RNF213: variants seen among roughly 807,000 people sequenced by gnomAD.
RNF213 encodes the protein ring finger protein 213, also known as E3 ubiquitin-protein ligase RNF213.
In RNF213, 341 loss-of-function variants were observed where a neutral mutation model predicts 514.4. That is an observed-to-expected ratio of 0.66 (90% CI 0.61 to 0.73). RNF213 has a LOEUF of 0.73. Ranked by LOEUF, RNF213 falls within the 30% of genes least tolerant of loss-of-function variation. The probability of loss-of-function intolerance (pLI) is 0.00; values close to 1 mark genes in which losing one functional copy is unlikely to be tolerated. For synonymous variants in RNF213, 2,655 were observed against 2,658.2 expected (o/e 1.00, Z 0.04); for missense variants, 5,767 against 6,615.6 (o/e 0.87, Z 4.45).
Position 80,372,968 on chromosome 17 carries a change from C to T in RNF213, c.12752-7C>T. ...GCCACTCACCCGCTTTCTCGTTGGC[C>T]TCTCAGAGATGGCCAAGGAGAAGCA... On this transcript the variant is annotated splice_region_variant and splice_polypyrimidine_tract_variant and intron_variant, in intron 48 of 67. Coordinates refer to ENST00000582970, the MANE Select transcript of RNF213 (RefSeq NM_001256071.3). The T allele has an allele frequency of 6.2e-7, 1 of 1,613,148 alleles. No homozygotes were observed. Among genetic ancestry groups the T allele is most frequent in the South Asian group, 1.1e-5 (1 of 90,912 alleles).
In RNF213 at chr17:80,386,441, G is replaced by C. The variant is rs570561568; in HGVS notation, c.14720+11G>C. 1.9e-6 allele frequency: 3 copies of C among 1,613,724 alleles called. No individual in the cohort carries two copies. Among genetic ancestry groups the C allele is most frequent in the Non-Finnish European group, 2.5e-6 (3 of 1,179,922 alleles). On this transcript the variant is annotated intron_variant, in intron 62 of 67. Coordinates refer to ENST00000582970, the MANE Select transcript of RNF213 (RefSeq NM_001256071.3). ...CAAGGAAAACAACAGGTTTGTGCAC[G>C]AGCCACCAGGAAGTGGTGCCTGCTC...
At chr17:80,309,208 A>G in intron 14 of RNF213, 37 bp downstream of exon 14, 1 of 1,613,334 alleles carries the variant, frequency 6.2e-7, no homozygotes, top group Non-Finnish European at 8.5e-7. Flanking sequence ...CACACCCGGG[A>G]TAGGTGCGGA....
In RNF213 at chr17:80,376,980, A is replaced by G; in HGVS notation, c.13510+17A>G. The G allele has an allele frequency of 1.3e-6, 2 of 1,573,078 alleles. No individual in the cohort carries two copies. Among genetic ancestry groups the G allele is most frequent in the East Asian group, 2.2e-5 (1 of 44,698 alleles). On this transcript the variant is annotated intron_variant, in intron 53 of 67. Coordinates refer to ENST00000582970, the MANE Select transcript of RNF213 (RefSeq NM_001256071.3). Reference sequence around the variant, plus strand: ...ACTGGTACAGTAAGTGTTGGGGTCTAGATGACCCCACACTCCTTTGAGCTT... The same window carrying G: ...ACTGGTACAGTAAGTGTTGGGGTCTGGATGACCCCACACTCCTTTGAGCTT...
At chr17:80,306,212 C>G in intron 11 of RNF213, 40 bp from the exon 12 acceptor site, 1 of 1,582,638 alleles carries the variant, frequency 6.3e-7, no homozygotes, top group Non-Finnish European at 8.7e-7. Flanking sequence ...TCACTGATCT[C>G]ACTGCGTCTC....
Position 80,339,349 on chromosome 17 carries a change from C to T in RNF213, c.4982C>T (p.Thr1661Met), listed in dbSNP as rs144944826. ...ATGGACTTTGGCTTGGACCTGGTGA[C>T]GGAGCTTAAAGAAGGTGGAGATGTC... The part of the protein sequence containing the change: ...LQMDFGLDLV[T>M]ELKEGGDVTE... The change falls in exon 26 of 68, where the codon ACG becomes ATG. Residue 1661 changes from threonine to methionine, a missense_variant. By Grantham distance (81) the Thr-to-Met change is moderately conservative (BLOSUM62 -1). Coordinates refer to ENST00000582970, the MANE Select transcript of RNF213 (RefSeq NM_001256071.3). The T allele has an allele frequency of 1.3e-4, 196 of 1,537,182 alleles. No homozygotes were observed. In the African/African-American group the frequency reaches 1.9e-3, roughly 15 times the overall value.
In RNF213 at chr17:80,345,050, T is replaced by G. The variant is rs1219634965; in HGVS notation, c.6715T>G (p.Phe2239Val). 6.2e-7 allele frequency: 1 copy of G among 1,614,054 alleles called. No homozygotes were observed. Among genetic ancestry groups the G allele is most frequent in the Non-Finnish European group, 8.5e-7 (1 of 1,180,018 alleles). The change falls in exon 29 of 68, where the codon TTT becomes GTT. Residue 2239 changes from phenylalanine (F) to valine (V), a missense_variant. Coordinates refer to ENST00000582970, the MANE Select transcript of RNF213 (RefSeq NM_001256071.3). The surrounding 1 kb of genome is among the most constrained non-coding windows in gnomAD (Gnocchi z 6.0). ...CEASLFCNPSFIGDTLRGFKK... is the reference protein window; with the variant it reads ...CEASLFCNPSVIGDTLRGFKK... ...GGCCTCTCTCTTCTGCAATCCGAGT[T>G]TTATTGGCGACACACTGAGGGGCTT...
chr17:80,332,751 G>T, intron 21 of RNF213, 120 bp downstream of exon 21: 1 of 1,185,378 alleles, frequency 8.4e-7, no homozygotes, highest in Non-Finnish European at 1.1e-6. Flanking sequence ...TCCGTCAGGG[G>T]CTCCTGTGTG....
intron 44 of RNF213, among the ~76,000 whole-genome samples, chr17:80,368,441 T>TG (rs2079369820): frequency 6.6e-6 from 1 of 151,448 alleles, no homozygotes; most frequent in Non-Finnish European, 1.5e-5. Context: ...GTGTTTTTTT[T>TG]TTTTTTTTTG....
At chr17:80,296,991 T>C (rs978448424) in intron 10 of RNF213, among the ~76,000 whole-genome samples, 1 of 151,622 alleles carries the variant, frequency 6.6e-6, no homozygotes, top group African/African-American at 2.4e-5. Context: ...GTTTTACAAA[T>C]AAAAAACAAC....
chr17:80,380,656 G>A (rs1314933813), intron 55 of RNF213, among the ~76,000 whole-genome samples, 175 bp from the exon 56 acceptor site: 1 of 152,208 alleles, frequency 6.6e-6, no homozygotes, highest in African/African-American at 2.4e-5. Context: ...CCACCGGAAA[G>A]GCGAGTCTAT....
At chr17:80,379,085 G>A (rs2079878828) in intron 54 of RNF213, among the ~76,000 whole-genome samples, 1 of 152,062 alleles carries the variant, frequency 6.6e-6, no homozygotes, top group Non-Finnish European at 1.5e-5. Context: ...CCAGCTACTT[G>A]GGAGGCTAAG....
At chr17:80,382,705 C>T in intron 57 of RNF213, 1 of 356,790 alleles carries the variant, frequency 2.8e-6, no homozygotes, top group Admixed American at 4.0e-5. Context: ...TACTATTGAG[C>T]TCAAGTTCTG....
At position 80,288,225 on chromosome 17, in the gene RNF213, C is replaced by G. The variant is rs551258825; in HGVS notation, c.672C>G (p.Pro224=). 7.4e-6 allele frequency: 12 copies of G among 1,613,250 alleles called. No homozygotes were observed. The highest frequency in any genetic ancestry group is 6.7e-5 in the East Asian group (3 of 44,872). The change falls in exon 4 of 68, where the codon CCC becomes CCG. Residue 224 remains proline (P), a synonymous_variant. Coordinates refer to ENST00000582970, the MANE Select transcript of RNF213 (RefSeq NM_001256071.3). The surrounding 1 kb of genome is among the most constrained non-coding windows in gnomAD (Gnocchi z 4.9). ...RGLSQEGTGP[P]TSAGEGHSRT... ...TGTCCCAGGAGGGGACCGGTCCCCC[C>G]ACCTCTGCTGGTGAAGGCCATTCTA... is the stretch of plus-strand genomic sequence containing the variant.
Position 80,340,098 on chromosome 17 carries a change from C to A in RNF213, c.5731C>A (p.Leu1911Ile), listed in dbSNP as rs2078107345. 6.2e-7 allele frequency: 1 copy of A among 1,610,398 alleles called. No homozygotes were observed. The highest frequency in any genetic ancestry group is 2.2e-5 in the East Asian group (1 of 44,742). ...CGAGGTGGCACGCCAAGCGGAGGAG[C>A]TTTTCCACAATCTGTGCACGCAGCA... ...SYEVARQAEE[L>I]FHNLCTQQHR... The change falls in exon 26 of 68, where the codon CTT becomes ATT. Residue 1911 changes from leucine to isoleucine, a missense_variant. Physicochemically the swap from Leu to Ile is conservative, Grantham distance 5 (BLOSUM62 2). Coordinates refer to ENST00000582970, the MANE Select transcript of RNF213 (RefSeq NM_001256071.3).
intron 10 of RNF213, 26 bp downstream of exon 10, chr17:80,295,839 T>G (rs1568027592): frequency 1.2e-6 from 2 of 1,612,736 alleles, no homozygotes; most frequent in Non-Finnish European, 1.7e-6. Context: ...GTCAAAATGT[T>G]TTTTATAGCT....
At chr17:80,348,525 A>G (rs1173628648) in intron 29 of RNF213, among the ~76,000 whole-genome samples, 1 of 152,252 alleles carries the variant, frequency 6.6e-6, no homozygotes, top group East Asian at 1.9e-4. Flanking sequence ...GTTCACACCA[A>G]CAAATAAAGT....
At position 80,353,335 on chromosome 17, in the gene RNF213, GC is replaced by G; in HGVS notation, c.10424-176del. On this transcript the variant is annotated intron_variant, in intron 33 of 67. Transcript: ENST00000582970. The surrounding 1 kb of genome is among the most constrained non-coding windows in gnomAD (Gnocchi z 5.0). Reference sequence around the variant, plus strand: ...CCAGAGCCCAGGCTGGAAGGAAGGGGCTGCCTTGGGGGCTGATCTTCATGAC... The same window carrying G: ...CCAGAGCCCAGGCTGGAAGGAAGGGGTGCCTTGGGGGCTGATCTTCATGAC... 1.2e-6 allele frequency: 1 copy of G among 831,064 alleles called. No homozygotes were observed. The allele number at this position is 831,064 out of a possible 1,614,324, so 51.5% of individuals were successfully genotyped here.
chr17:80,384,005 A>G, intron 59 of RNF213, 77 bp downstream of exon 59: 1 of 1,548,936 alleles, frequency 6.5e-7, no homozygotes, highest in Non-Finnish European at 8.9e-7. Context: ...CTGGGCTTTT[A>G]CGTAGTATAA....
chr17:80,380,452 GAAC>G (rs1193519425), intron 55 of RNF213, among the ~76,000 whole-genome samples: 1 of 152,158 alleles, frequency 6.6e-6, no homozygotes, highest in Non-Finnish European at 1.5e-5. Flanking sequence ...GGGGAGATGA[GAAC>G]AATATGGACA....
Sources: gnomAD v4.1 joint callset for allele counts (sites outside exome capture counted in the v4.1 genomes callset) on GRCh38, gnomAD v4.1.1 for gene constraint, Gnocchi (gnomAD v3.1) non-coding constraint, MANE v1.5 for transcripts, NCBI Gene and HGNC (gene_info 2026-07-23, HGNC 2026-07-21) for gene names.